Variants in PADI1 observed in about 807,000 individuals in gnomAD.
PADI1 encodes peptidyl arginine deiminase 1, also known as protein-arginine deiminase type-1.
Under a neutral mutation model 74.8 loss-of-function variants are expected in PADI1, and 65 were observed. The ratio of observed to expected loss-of-function variants is 0.87; its 90% confidence interval spans 0.71 to 1.07. The LOEUF (loss-of-function observed/expected upper bound fraction) is 1.07, where lower values mean the gene tolerates loss of function less well. Ranked by LOEUF, PADI1 falls within the 50% of genes least tolerant of loss-of-function variation. The pLI is 0.00. For missense variants in PADI1, 943 were observed against 854.0 expected (o/e 1.10, Z -1.30); for synonymous variants, 371 against 336.2 (o/e 1.10, Z -1.13).
chr1:17,242,035 G>A (rs2072788809), intron 15 of PADI1, among the ~76,000 whole-genome samples: 1 of 152,222 alleles, frequency 6.6e-6, no homozygotes, highest in Admixed American at 6.5e-5. Context: ...GACTCCTCAT[G>A]GGGAGATTCC....
At chr1:17,238,500 CGAG>C in intron 12 of PADI1, 113 bp from the exon 13 acceptor site, 1 of 450,348 alleles carries the variant, frequency 2.2e-6, no homozygotes, top group South Asian at 6.8e-5. Flanking sequence ...GGGTGTAGAC[CGAG>C]TGGGAGAGGG....
chr1:17,230,351 G>A (rs774316195), intron 9 of PADI1, 143 bp downstream of exon 9: 3 of 1,009,632 alleles, frequency 3.0e-6, no homozygotes, highest in Non-Finnish European at 4.3e-6. Flanking sequence ...TCCGCTGCCT[G>A]CATCAGCCCC....
At chr1:17,214,321 A>T (rs1156880598) in intron 1 of PADI1, among the ~76,000 whole-genome samples, 1 of 152,094 alleles carries the variant, frequency 6.6e-6, no homozygotes, top group African/African-American at 2.4e-5. Flanking sequence ...GTCTTGAAGA[A>T]TGCAAAAGAC....
intron 2 of PADI1, among the ~76,000 whole-genome samples, chr1:17,222,886 T>G (rs2072198135): frequency 6.6e-6 from 1 of 152,194 alleles, no homozygotes; most frequent in African/African-American, 2.4e-5. Flanking sequence ...CTCCCACACC[T>G]AAGCCAACCT....
In PADI1 at chr1:17,223,666, C is replaced by G. The variant is rs144468100; in HGVS notation, c.319C>G (p.Arg107Gly). ...FGEQEDQALG[R>G]SVLYLTGVDI... ...GGAGCAGGAAGACCAAGCTCTGGGC[C>G]GCAGCGTGCTTTACCTCACTGGCGT... The change falls in exon 3 of 16, where the codon CGC becomes GGC. Residue 107 changes from arginine (R) to glycine (G), a missense_variant. Coordinates refer to ENST00000375471, the MANE Select transcript of PADI1 (RefSeq NM_013358.3). The G allele has an allele frequency of 1.2e-6, 2 of 1,614,084 alleles. No individual in the cohort carries two copies. The highest frequency in any genetic ancestry group is 2.2e-5 in the South Asian group (2 of 91,086).
chr1:17,237,789 C>A (rs774039326), intron 12 of PADI1, among the ~76,000 whole-genome samples: 1 of 152,170 alleles, frequency 6.6e-6, no homozygotes. Context: ...TATTATTGTC[C>A]CATTTTACAA....
chr1:17,238,321 C>T (rs1026340014), intron 12 of PADI1, among the ~76,000 whole-genome samples: 7 of 152,238 alleles, frequency 4.6e-5, no homozygotes, highest in South Asian at 2.1e-4. Flanking sequence ...GGATTACAGG[C>T]GTGAGCCACG....
At chr1:17,228,597 G>T (rs776349520) in intron 6 of PADI1, 28 bp from the exon 7 acceptor site, 2 of 1,613,310 alleles carry the variant, frequency 1.2e-6, no homozygotes, top group African/African-American at 1.3e-5. Context: ...CTGTCTCCTC[G>T]CTAGCCCCTG....
chr1:17,214,768 C>T (rs1028358373), intron 1 of PADI1, among the ~76,000 whole-genome samples: 1 of 152,204 alleles, frequency 6.6e-6, no homozygotes, highest in Admixed American at 6.5e-5. Flanking sequence ...CATCCATGAC[C>T]AGGCCCACAG....
chr1:17,221,927 C>A (rs1190004665), intron 1 of PADI1, among the ~76,000 whole-genome samples: 1 of 152,202 alleles, frequency 6.6e-6, no homozygotes, highest in Non-Finnish European at 1.5e-5. Flanking sequence ...CTGGGTGGGA[C>A]CACGGACCCA....
intron 1 of PADI1, among the ~76,000 whole-genome samples, chr1:17,215,662 T>C (rs1217737652): frequency 6.6e-6 from 1 of 152,164 alleles, no homozygotes; most frequent in East Asian, 1.9e-4. Context: ...GATTCAATCA[T>C]GACTCAGCCA....
At chr1:17,243,965 C>T in intron 15 of PADI1, 45 bp from the exon 16 acceptor site, 2 of 1,369,492 alleles carry the variant, frequency 1.5e-6, no homozygotes, top group South Asian at 1.2e-5. Flanking sequence ...AGAAGCACAG[C>T]ACTTATAGCC....
At chr1:17,216,819 G>A (rs1408713442) in intron 1 of PADI1, among the ~76,000 whole-genome samples, 1 of 152,092 alleles carries the variant, frequency 6.6e-6, no homozygotes, top group Admixed American at 6.5e-5. Flanking sequence ...GCAGTGAGCT[G>A]AGATCATGCC....
chr1:17,241,571 T>C (rs1382036091), intron 15 of PADI1, among the ~76,000 whole-genome samples: 33 of 68,336 alleles, frequency 4.8e-4, no homozygotes, highest in African/African-American at 2.7e-3. Context: ...GGGTTGGAAG[T>C]GAATGTCGGA....
At chr1:17,222,203 G>A in intron 1 of PADI1, 87 bp from the exon 2 acceptor site, 1 of 939,138 alleles carries the variant, frequency 1.1e-6, no homozygotes, top group Non-Finnish European at 1.7e-6. Flanking sequence ...GAACGGCCTG[G>A]CAGCCCCAAG....
intron 15 of PADI1, among the ~76,000 whole-genome samples, chr1:17,242,664 C>A (rs746781269): frequency 2.6e-5 from 4 of 152,186 alleles, no homozygotes; most frequent in Non-Finnish European, 5.9e-5. Flanking sequence ...CCATAGGGAA[C>A]ACCCAGTTAA....
At chr1:17,212,778 A>G (rs2071867047) in intron 1 of PADI1, among the ~76,000 whole-genome samples, 1 of 152,180 alleles carries the variant, frequency 6.6e-6, no homozygotes, top group Non-Finnish European at 1.5e-5. Context: ...GGCCTATGCT[A>G]TGCAAGATGC....
In PADI1 at chr1:17,237,345, C is replaced by A; in HGVS notation, c.1345C>A (p.Arg449=). 3.1e-6 allele frequency: 5 copies of A among 1,611,812 alleles called. No individual in the cohort carries two copies. The highest frequency in any genetic ancestry group is 4.2e-6 in the Non-Finnish European group (5 of 1,178,802). Residue 449 remains arginine (R), a synonymous_variant, in exon 12 of 16, where the codon CGG becomes AGG. Coordinates refer to ENST00000375471, the MANE Select transcript of PADI1 (RefSeq NM_013358.3). ...TGGGCGGCAGATGGCCAGGGCAGTG[C>A]GGAACTTCCTGAAGGCACAGCAGGT... is the stretch of plus-strand genomic sequence containing the variant. ...SGGRQMARAV[R]NFLKAQQVQA...
chr1:17,238,594 A>G (rs753713397), intron 12 of PADI1, 22 bp from the exon 13 acceptor site: 1 of 1,410,658 alleles, frequency 7.1e-7, no homozygotes, highest in Non-Finnish European at 9.5e-7. Flanking sequence ...CCACTGAGCC[A>G]TTCTCCCTCC....
Sources: allele counts gnomAD v4.1 joint callset (sites outside exome capture counted in the v4.1 genomes callset), GRCh38; gene constraint gnomAD v4.1.1; transcripts MANE v1.5; gene names NCBI Gene and HGNC (gene_info 2026-07-23, HGNC 2026-07-21).